Variants in TAOK3 observed in about 807,000 individuals in gnomAD.
The protein encoded by TAOK3 is TAO kinase 3.
TAOK3 carries 40 observed loss-of-function variants against 120.4 expected under a neutral mutation model. The observed-to-expected ratio is 0.33, with a 90% CI of 0.26 to 0.43. The LOEUF is 0.43. Ranked by LOEUF, TAOK3 falls within the 20% of genes least tolerant of loss-of-function variation. The pLI is 1.00. For missense variants in TAOK3, 821 were observed against 1,112.1 expected, an observed-to-expected ratio of 0.74 and a Z score of 3.72; for synonymous variants, 355 against 387.5, an observed-to-expected ratio of 0.92 and a Z score of 0.99.
At chr12:118,234,444 C>A (rs1056985555) in intron 8 of TAOK3, among the ~76,000 whole-genome samples, 27 of 151,792 alleles carry the variant, frequency 1.8e-4, no homozygotes, top group Non-Finnish European at 3.8e-4. Flanking sequence ...CGCGGTTTCA[C>A]CATGTTAGCC....
chr12:118,186,628 C>T (rs1174629874), intron 14 of TAOK3, among the ~76,000 whole-genome samples: 1 of 152,060 alleles, frequency 6.6e-6, no homozygotes, highest in East Asian at 1.9e-4. Context: ...AACTTCCTTA[C>T]AGAAGAAGGA....
At chr12:118,294,149 T>C (rs895726162) in intron 1 of TAOK3, among the ~76,000 whole-genome samples, 19 of 152,220 alleles carry the variant, frequency 1.2e-4, no homozygotes, top group Non-Finnish European at 2.9e-5. Context: ...TATTGAGGTA[T>C]AATTTACATA....
At chr12:118,232,423 C>T (rs1203558383) in intron 9 of TAOK3, among the ~76,000 whole-genome samples, 1 of 152,134 alleles carries the variant, frequency 6.6e-6, no homozygotes, top group Non-Finnish European at 1.5e-5. Flanking sequence ...CCCTGATAAG[C>T]TTTCTATTAC....
chr12:118,293,153 T>C (rs1360197097), intron 1 of TAOK3, among the ~76,000 whole-genome samples: 1 of 152,240 alleles, frequency 6.6e-6, no homozygotes, highest in Non-Finnish European at 1.5e-5. Context: ...TTCAAAAGTA[T>C]ATGAGACTGT....
chr12:118,207,090 G>A (rs1432332268), intron 11 of TAOK3, among the ~76,000 whole-genome samples: 2 of 152,106 alleles, frequency 1.3e-5, no homozygotes, highest in African/African-American at 4.8e-5. Flanking sequence ...ACCTTGGGAG[G>A]CCGAGGAGGG....
chr12:118,168,717 T>C (rs2035770294), intron 17 of TAOK3, among the ~76,000 whole-genome samples: 1 of 152,198 alleles, frequency 6.6e-6, no homozygotes. Context: ...CTAATACTAA[T>C]GAAGTCACCA....
chr12:118,304,853 A>G (rs1398124482), intron 1 of TAOK3, among the ~76,000 whole-genome samples: 2 of 152,204 alleles, frequency 1.3e-5, no homozygotes, highest in Non-Finnish European at 2.9e-5. Context: ...CGTTGCTATG[A>G]AAGGCAAATG....
At chr12:118,217,987 G>A (rs151063831) in intron 9 of TAOK3, among the ~76,000 whole-genome samples, 15,164 of 149,082 alleles carry the variant, frequency 0.1, 813 homozygotes, top group Middle Eastern at 0.13. Flanking sequence ...AGCCTCCCGA[G>A]TAGCTGGGAC....
chr12:118,216,525 G>GT lies in TAOK3; in HGVS notation c.644-2416dup, dbSNP rs1398302847. On this transcript the variant is annotated intron_variant, in intron 9 of 20. Coordinates refer to ENST00000392533, the MANE Select transcript of TAOK3 (RefSeq NM_016281.4). ...ATTCCCCCAGAATTTGTAATAAAAT[G>GT]TGATTCACATATTAGGGGTTCCATT... 3.9e-5 allele frequency among the ~76,000 whole-genome samples: 6 copies of GT among 152,258 alleles called. No individual in the cohort carries two copies. The South Asian group carries it at 1.0e-3, about 26-fold the overall frequency.
At position 118,189,860 on chromosome 12, in the gene TAOK3, C is replaced by T; in HGVS notation, c.1276G>A (p.Ala426Thr). ...PRPTQSVQSQ[A>T]LHYRNRERFA... is the part of the protein sequence containing the mutation. ...CGCTCTCTGTTCCGGTAGTGGAGGG[C>T]CTGGCTCTGAACTGACTGGGTAGGC... The change falls in exon 14 of 21, where the codon GCC becomes ACC. Residue 426 changes from alanine (A) to threonine (T), a missense_variant. This residue lies in a region of TAOK3 where 467 missense variants were observed against 540.0 expected (regional missense o/e 0.86). Coordinates refer to ENST00000392533, the MANE Select transcript of TAOK3 (RefSeq NM_016281.4). 6.2e-7 allele frequency: 1 copy of T among 1,614,152 alleles called. No homozygotes were observed. The highest frequency in any genetic ancestry group is 8.5e-7 in the Non-Finnish European group (1 of 1,180,020).
intron 15 of TAOK3, among the ~76,000 whole-genome samples, chr12:118,179,095 T>C (rs1028764993): frequency 6.6e-6 from 1 of 152,230 alleles, no homozygotes; most frequent in African/African-American, 2.4e-5. Flanking sequence ...ATCAACATCA[T>C]CCTTGTCTGG....
At chr12:118,347,487 G>A (rs969739680) in intron 1 of TAOK3, among the ~76,000 whole-genome samples, 1 of 152,156 alleles carries the variant, frequency 6.6e-6, no homozygotes, top group African/African-American at 2.4e-5. Flanking sequence ...ACAGGAAGAT[G>A]CTCTGGCAAC....
At chr12:118,298,928 A>G (rs2042777372) in intron 1 of TAOK3, among the ~76,000 whole-genome samples, 1 of 152,210 alleles carries the variant, frequency 6.6e-6, no homozygotes, top group Admixed American at 6.5e-5. Context: ...ACCTAAATCT[A>G]TGCCAGAGCC....
At chr12:118,361,485 T>G (rs2045595894) in intron 1 of TAOK3, among the ~76,000 whole-genome samples, 1 of 150,210 alleles carries the variant, frequency 6.7e-6, no homozygotes, top group Non-Finnish European at 1.5e-5. Context: ...TGAGATGGAG[T>G]CTGACTCTGT....
chr12:118,258,643 C>T (rs553127862), intron 2 of TAOK3, among the ~76,000 whole-genome samples: 27 of 150,696 alleles, frequency 1.8e-4, no homozygotes, highest in South Asian at 1.5e-3. Context: ...ATCTGGGAGG[C>T]GGAGGTTGCA....
intron 8 of TAOK3, 25 bp downstream of exon 8, chr12:118,235,533 T>C (rs1341876164): frequency 6.3e-7 from 1 of 1,576,700 alleles, no homozygotes; most frequent in South Asian, 1.1e-5. Flanking sequence ...TTTAAAACTA[T>C]GTCATATAGC....
intron 1 of TAOK3, among the ~76,000 whole-genome samples, chr12:118,350,860 CA>C (rs200170595): frequency 0.11 from 8,273 of 73,172 alleles, 581 homozygotes; most frequent in African/African-American, 0.27. Flanking sequence ...AACTCCGTCT[CA>C]AAAAAAAAAA....
At position 118,272,777 on chromosome 12, in the gene TAOK3, C is replaced by G. The variant is rs151269441; in HGVS notation, c.-193-6018G>C. On this transcript the variant is annotated intron_variant, in intron 1 of 20. Transcript: ENST00000392533. ...CTTGAGTCCAGGAGTTTGAGAACAGCCTGGGTAACACAGTGAGACCCCCGT... is the reference window on the plus strand; with the variant it reads ...CTTGAGTCCAGGAGTTTGAGAACAGGCTGGGTAACACAGTGAGACCCCCGT... Among the ~76,000 whole-genome samples, 1,063 of 151,616 alleles carry G rather than the reference C, an allele frequency of 7.0e-3. 12 individuals are homozygous for G. The highest frequency in any genetic ancestry group is 0.011 in the Non-Finnish European group (773 of 67,854).
chr12:118,192,754 C>T (rs1352414992), intron 13 of TAOK3, among the ~76,000 whole-genome samples: 1 of 152,130 alleles, frequency 6.6e-6, no homozygotes, highest in Non-Finnish European at 1.5e-5. Flanking sequence ...ATACCTGGCT[C>T]CCAGAGTTTC....
Sources: gnomAD v4.1 joint callset for allele counts (sites outside exome capture counted in the v4.1 genomes callset) on GRCh38, gnomAD v4.1.1 for gene constraint, gnomAD v4.1.1 regional missense constraint, MANE v1.5 for transcripts, NCBI Gene and HGNC (gene_info 2026-07-23, HGNC 2026-07-21) for gene names.